Variants in CDH10 observed in about 807,000 individuals in gnomAD.
CDH10 encodes cadherin-10.
In CDH10, 30 loss-of-function variants were observed where a neutral mutation model predicts 73.1. The ratio of observed to expected loss-of-function variants is 0.41; its 90% CI spans 0.31 to 0.56. The LOEUF (loss-of-function observed/expected upper bound fraction) is 0.56, where lower values mean the gene tolerates loss of function less well. CDH10 is among the 20% of genes least tolerant of loss of function. The probability of loss-of-function intolerance (pLI) is 0.27; values close to 1 mark genes in which losing one functional copy is unlikely to be tolerated. For synonymous variants in CDH10, 345 were observed against 348.2 expected (o/e 0.99, Z 0.10); for missense variants, 815 against 973.7 (o/e 0.84, Z 2.17).
At chr5:24,512,040 G>A (rs867598322) in intron 5 of CDH10, among the ~76,000 whole-genome samples, 1 of 152,160 alleles carries the variant, frequency 6.6e-6, no homozygotes, top group Middle Eastern at 3.4e-3. Flanking sequence ...CTGGGTACCA[G>A]GCCTATTACC....
In CDH10 at chr5:24,487,605, G is replaced by C. The variant is rs2111596492; in HGVS notation, c.*58C>G. On this transcript the variant is annotated 3_prime_UTR_variant, in exon 12 of 12. Coordinates refer to ENST00000264463, the MANE Select transcript of CDH10 (RefSeq NM_006727.5). ...GCTCCTGAATATCAAATATTGTGAA[G>C]TGGAGACAGCATGGGTAGAGTTACT... The C allele has an allele frequency of 6.6e-7, 1 of 1,505,262 alleles. No individual in the cohort carries two copies. The highest frequency in any genetic ancestry group is 9.0e-7 in the Non-Finnish European group (1 of 1,114,260). The allele number at this position is 1,505,262 out of a possible 1,614,324, so 93.2% of individuals were successfully genotyped here.
rs2111602382 is a variant in CDH10 at position 24,487,819 on chromosome 5, G to A, written c.2211C>T (p.Ala737=). Residue 737 remains alanine (A), a synonymous_variant, in exon 12 of 12, where the codon GCC becomes GCT. Transcript: ENST00000264463. ...APPYDSLATY[A]YEGNDSIAES... is the part of the protein sequence containing the mutation. ...CAGCAATGGAATCATTTCCTTCATA[G>A]GCATAGGTTGCAAGTGAGTCGTAGG... 1 of 1,613,892 alleles carries A rather than the reference G, an allele frequency of 6.2e-7. No individual in the cohort carries two copies.
intron 8 of CDH10, among the ~76,000 whole-genome samples, chr5:24,500,476 T>C (rs978345369): frequency 6.6e-6 from 1 of 152,260 alleles, no homozygotes; most frequent in Non-Finnish European, 1.5e-5. Flanking sequence ...TAATATGTTG[T>C]TGCATATTAT....
intron 8 of CDH10, 103 bp from the exon 9 acceptor site, chr5:24,498,622 G>T: frequency 1.4e-6 from 1 of 702,064 alleles, no homozygotes; most frequent in Non-Finnish European, 2.5e-6. Context: ...ATACAAATAA[G>T]CATTGCAATC....
intron 1 of CDH10, among the ~76,000 whole-genome samples, chr5:24,624,710 T>A (rs1338164750): frequency 1.3e-5 from 2 of 152,154 alleles, no homozygotes; most frequent in Non-Finnish European, 2.9e-5. Flanking sequence ...CAAGAGGTAG[T>A]AAGGCATATG....
At chr5:24,504,766 C>T (rs942305609) in intron 8 of CDH10, among the ~76,000 whole-genome samples, 37 of 151,814 alleles carry the variant, frequency 2.4e-4, no homozygotes, top group African/African-American at 7.5e-4. Flanking sequence ...CCTCGTGATC[C>T]GCCCACCTCG....
intron 1 of CDH10, among the ~76,000 whole-genome samples, chr5:24,598,538 T>TA (rs796890253): frequency 1.4e-3 from 191 of 132,806 alleles, no homozygotes; most frequent in Middle Eastern, 7.4e-3. Flanking sequence ...TTGTTGTTCC[T>TA]AAAAAAAAAA....
In CDH10 at chr5:24,491,634, A is replaced by G. The variant is rs2111637267; in HGVS notation, c.1818T>C (p.Pro606=). Residue 606 remains proline, a synonymous_variant, in exon 11 of 12, where the codon CCT becomes CCC. Coordinates refer to ENST00000264463, the MANE Select transcript of CDH10 (RefSeq NM_006727.5). ...TCAAGGCCCCAGTGCTGAGGCCGGC[A>G]GGGAGGAGCAGGGCTTCAGCACTGC... ...QSCSAEALLL[P]AGLSTGALIA... 1 of 1,613,578 alleles carries G rather than the reference A, an allele frequency of 6.2e-7. No homozygotes were observed. The highest frequency in any genetic ancestry group is 8.5e-7 in the Non-Finnish European group (1 of 1,179,546).
intron 8 of CDH10, among the ~76,000 whole-genome samples, chr5:24,500,570 C>A (rs1276361309): frequency 6.6e-6 from 1 of 152,254 alleles, no homozygotes; most frequent in Non-Finnish European, 1.5e-5. Flanking sequence ...GTTCACCACT[C>A]ATTTGTTATG....
At chr5:24,640,270 A>T (rs1748003616) in intron 1 of CDH10, among the ~76,000 whole-genome samples, 1 of 151,718 alleles carries the variant, frequency 6.6e-6, no homozygotes, top group Non-Finnish European at 1.5e-5. Context: ...AGAGAGGGAG[A>T]TGGAAATAGA....
chr5:24,603,180 C>T (rs1266923529), intron 1 of CDH10, among the ~76,000 whole-genome samples: 5 of 152,170 alleles, frequency 3.3e-5, no homozygotes, highest in Non-Finnish European at 7.4e-5. Flanking sequence ...TGTATAACTA[C>T]TGGTGTCAGT....
intron 5 of CDH10, among the ~76,000 whole-genome samples, chr5:24,529,353 T>C (rs1445112102): frequency 6.6e-6 from 1 of 151,974 alleles, no homozygotes; most frequent in African/African-American, 2.4e-5. Flanking sequence ...TGATGGGAAA[T>C]ATAATGAATT....
At chr5:24,550,988 T>C (rs1216456515) in intron 2 of CDH10, among the ~76,000 whole-genome samples, 1 of 152,138 alleles carries the variant, frequency 6.6e-6, no homozygotes, top group African/African-American at 2.4e-5. Flanking sequence ...TGATGATTTT[T>C]AAATGCATTG....
intron 2 of CDH10, among the ~76,000 whole-genome samples, chr5:24,569,196 G>C (rs1405373888): frequency 6.6e-6 from 1 of 152,014 alleles, no homozygotes; most frequent in Non-Finnish European, 1.5e-5. Flanking sequence ...GAATTACTTA[G>C]AATAAGCAAA....
chr5:24,554,117 G>GAGAGAGAGAGAGAGAGAGAGAGAGAGA (rs1377523348), intron 2 of CDH10: 1 of 41,838 alleles, frequency 2.4e-5, no homozygotes, highest in Non-Finnish European at 5.4e-5. Flanking sequence ...TGGGCGGGGG[G>GAGAGAGAGAGAGAGAGAGAGAGAGAGA]GGGAGAGAGA....
chr5:24,513,344 C>T (rs1276635584), intron 5 of CDH10, among the ~76,000 whole-genome samples: 2 of 152,012 alleles, frequency 1.3e-5, no homozygotes, highest in African/African-American at 2.4e-5. Context: ...CTATATTTCT[C>T]TCACATAAAA....
intron 1 of CDH10, among the ~76,000 whole-genome samples, chr5:24,605,241 G>A (rs1746719229): frequency 6.6e-6 from 1 of 152,176 alleles, no homozygotes; most frequent in African/African-American, 2.4e-5. Context: ...ATAGAGCAGG[G>A]ATATAGTATA....
chr5:24,570,564 G>A (rs1001868690), intron 2 of CDH10, among the ~76,000 whole-genome samples: 5 of 152,078 alleles, frequency 3.3e-5, no homozygotes, highest in Admixed American at 6.6e-5. Context: ...ATGTTTATAC[G>A]AAGAGCATTC....
chr5:24,487,510 G>C lies in CDH10; in HGVS notation c.*153C>G. The C allele has an allele frequency of 1.5e-6, 1 of 689,300 alleles. No homozygotes were observed. The highest frequency in any genetic ancestry group is 1.9e-5 in the South Asian group (1 of 53,330). The allele number at this position is 689,300 out of a possible 1,614,324, so 42.7% of individuals were successfully genotyped here. A position where few individuals can be genotyped will look rare whatever the true frequency, so the allele number is the denominator to read the frequency against. On this transcript the variant is annotated 3_prime_UTR_variant, in exon 12 of 12. Transcript: ENST00000264463. ...ATTCCATGAGACATCCTACAGGAAA[G>C]AATTAATGTAATTAATGAACAAATT... is the stretch of plus-strand genomic sequence containing the variant.
Sources: allele counts gnomAD v4.1 joint callset (sites outside exome capture counted in the v4.1 genomes callset), GRCh38; gene constraint gnomAD v4.1.1; transcripts MANE v1.5; gene names NCBI Gene and HGNC (gene_info 2026-07-23, HGNC 2026-07-21).